RBMS3: variants seen among roughly 807,000 people sequenced by gnomAD.
RBMS3 encodes the protein RNA binding motif single stranded interacting protein 3.
RBMS3 carries 27 observed loss-of-function variants against 66.8 expected under a neutral mutation model. The observed-to-expected ratio is 0.40, with a 90% confidence interval of 0.30 to 0.56. The LOEUF (loss-of-function observed/expected upper bound fraction) is 0.56. Among genes scored for constraint, RBMS3 ranks in the 20% least tolerant of loss-of-function variants. The pLI is 0.40. For missense variants in RBMS3, 513 were observed against 549.5 expected (o/e 0.93, Z 0.66); for synonymous variants, 188 against 183.0 (o/e 1.03, Z -0.22).
At chr3:29,352,126 A>T (rs1439248186) in intron 1 of RBMS3, among the ~76,000 whole-genome samples, 1 of 152,062 alleles carries the variant, frequency 6.6e-6, no homozygotes, top group Non-Finnish European at 1.5e-5. Context: ...GAGTATTAAA[A>T]ATTATGATTT....
At chr3:29,936,680 G>C (rs941159124) in intron 11 of RBMS3, among the ~76,000 whole-genome samples, 1 of 151,978 alleles carries the variant, frequency 6.6e-6, no homozygotes, top group Non-Finnish European at 1.5e-5. Flanking sequence ...TTTCTGATAT[G>C]TTGATATGGA....
intron 4 of RBMS3, among the ~76,000 whole-genome samples, chr3:29,736,839 AAC>A (rs1042045346): frequency 1.5e-4 from 23 of 152,192 alleles, no homozygotes; most frequent in African/African-American, 5.3e-4. Flanking sequence ...TTCCCTTTGC[AAC>A]AGAGAGTGAA....
chr3:29,748,165 C>A (rs150727346), intron 5 of RBMS3, among the ~76,000 whole-genome samples: 226 of 152,146 alleles, frequency 1.5e-3, no homozygotes, highest in African/African-American at 5.2e-3. Context: ...CCAAGAAAAT[C>A]TCTTAGTGGG....
intron 1 of RBMS3, among the ~76,000 whole-genome samples, chr3:29,292,391 C>A (rs1160203352): frequency 1.3e-5 from 2 of 151,730 alleles, no homozygotes; most frequent in East Asian, 3.9e-4. Flanking sequence ...TAGTTGGTAG[C>A]ACAAAGGGGT....
chr3:29,357,055 AT>A (rs575643291), intron 1 of RBMS3, among the ~76,000 whole-genome samples: 23 of 151,960 alleles, frequency 1.5e-4, no homozygotes, highest in African/African-American at 5.3e-4. Flanking sequence ...TTATATATAT[AT>A]TTTTTATTAT....
chr3:29,988,324 G>A (rs1179856337), intron 13 of RBMS3, 101 bp downstream of exon 13: 2 of 910,474 alleles, frequency 2.2e-6, no homozygotes, highest in East Asian at 5.0e-5. Context: ...TGCAATTTTT[G>A]TGCTACTCTA....
chr3:29,912,779 G>A (rs1420454490), intron 10 of RBMS3, among the ~76,000 whole-genome samples: 1 of 151,950 alleles, frequency 6.6e-6, no homozygotes, highest in African/African-American at 2.4e-5. Flanking sequence ...AATCCAATTG[G>A]CTGACATGTG....
chr3:29,306,902 T>C (rs888486831), intron 1 of RBMS3, among the ~76,000 whole-genome samples: 41 of 151,960 alleles, frequency 2.7e-4, no homozygotes, highest in African/African-American at 9.2e-4. Flanking sequence ...CTTTTTCCTC[T>C]TCTTCACTGA....
chr3:29,550,642 A>G (rs2046151021), intron 3 of RBMS3, among the ~76,000 whole-genome samples: 1 of 152,148 alleles, frequency 6.6e-6, no homozygotes, highest in Non-Finnish European at 1.5e-5. Flanking sequence ...ATAATTTTGT[A>G]TAATAATTTT....
intron 4 of RBMS3, among the ~76,000 whole-genome samples, chr3:29,623,335 G>A (rs1292773661): frequency 6.6e-6 from 1 of 152,084 alleles, no homozygotes; most frequent in Non-Finnish European, 1.5e-5. Flanking sequence ...GCTCACGCCT[G>A]TAATCCCAGC....
intron 10 of RBMS3, chr3:29,924,669 C>G (rs1415325758): frequency 6.6e-6 from 1 of 152,104 alleles, no homozygotes; most frequent in East Asian, 1.9e-4. Context: ...AACTCCGTCT[C>G]TACTAAAAAT....
At chr3:29,621,854 A>G (rs1181005533) in intron 4 of RBMS3, among the ~76,000 whole-genome samples, 5 of 152,144 alleles carry the variant, frequency 3.3e-5, no homozygotes, top group Non-Finnish European at 7.4e-5. Flanking sequence ...AAAAAGAAAA[A>G]AACCCACTTT....
intron 3 of RBMS3, among the ~76,000 whole-genome samples, chr3:29,554,112 G>A (rs1039020523): frequency 2.0e-5 from 3 of 151,956 alleles, no homozygotes; most frequent in African/African-American, 4.8e-5. Context: ...TAATTACCAC[G>A]TTCTCCTTCC....
chr3:29,991,101 C>A lies in RBMS3; in HGVS notation c.1199C>A (p.Ser400Tyr). 1 of 1,614,142 alleles carries A rather than the reference C, an allele frequency of 6.2e-7. No homozygotes were observed. Among genetic ancestry groups the A allele is most frequent in the Admixed American group, 1.7e-5 (1 of 60,024 alleles). ...VSIEGVVADTSPQTVAPSSQD... is the reference protein window; with the variant it reads ...VSIEGVVADTYPQTVAPSSQD... ...CCTTAGGGTGTTGTTGCTGATACCT[C>A]TCCCCAGACAGTGGCACCTTCATCC... Residue 400 changes from serine to tyrosine, a missense_variant, in exon 14 of 15, where the codon TCT (serine) becomes TAT (tyrosine). Physicochemically the swap from Ser to Tyr is moderately radical, Grantham distance 144. Transcript: ENST00000383767.
chr3:29,892,226 G>T (rs11916764), intron 8 of RBMS3, among the ~76,000 whole-genome samples: 40,754 of 151,204 alleles, frequency 0.27, 5,595 homozygotes, highest in Admixed American at 0.3. Context: ...TGTTTCAAAG[G>T]CTAGCTTAGA....
intron 3 of RBMS3, among the ~76,000 whole-genome samples, chr3:29,529,376 C>A (rs934879143): frequency 6.6e-6 from 1 of 151,534 alleles, no homozygotes; most frequent in Non-Finnish European, 1.5e-5. Flanking sequence ...TGGAGAGAGG[C>A]AAAATTTGGA....
chr3:29,995,587 G>A (rs1699175153), intron 14 of RBMS3, among the ~76,000 whole-genome samples: 1 of 150,156 alleles, frequency 6.7e-6, no homozygotes. Context: ...TCTACTACAA[G>A]CCAGAAGAGA....
intron 2 of RBMS3, among the ~76,000 whole-genome samples, chr3:29,447,571 T>C (rs2041876331): frequency 6.6e-6 from 1 of 152,164 alleles, no homozygotes; most frequent in Non-Finnish European, 1.5e-5. Context: ...GCTACCTCCA[T>C]TTCTTGAATA....
At chr3:29,808,616 G>C (rs2057631000) in intron 6 of RBMS3, among the ~76,000 whole-genome samples, 1 of 151,946 alleles carries the variant, frequency 6.6e-6, no homozygotes, top group Non-Finnish European at 1.5e-5. Context: ...GAATGCTACT[G>C]ATTTAATCCA....
Sources: gnomAD v4.1 joint callset for allele counts (sites outside exome capture counted in the v4.1 genomes callset) on GRCh38, gnomAD v4.1.1 for gene constraint, MANE v1.5 for transcripts, NCBI Gene and HGNC (gene_info 2026-07-23, HGNC 2026-07-21) for gene names.